FBN1: variants seen among roughly 807,000 people sequenced by gnomAD.
FBN1 encodes the protein fibrillin 1.
In FBN1, 29 loss-of-function variants were observed where a neutral mutation model predicts 365.1. The observed-to-expected ratio is 0.08, with a 90% confidence interval of 0.06 to 0.11. FBN1 has a LOEUF of 0.11. Among genes scored for constraint, FBN1 ranks in the 10% least tolerant of loss-of-function variants. FBN1 has a pLI of 1.00. For synonymous variants in FBN1, 1,210 were observed against 1,270.5 expected (o/e 0.95, Z 1.01); for missense variants, 2,476 against 3,703.2 (o/e 0.67, Z 8.60).
At chr15:48,605,318 T>C (rs1450961946) in intron 4 of FBN1, among the ~76,000 whole-genome samples, 2 of 151,850 alleles carry the variant, frequency 1.3e-5, no homozygotes, top group East Asian at 3.9e-4. Flanking sequence ...TTGGAGAAAA[T>C]CTTCAGAATC....
chr15:48,463,050 A>G (rs769181381), intron 42 of FBN1, 32 bp downstream of exon 42: 20 of 1,605,692 alleles, frequency 1.2e-5, no homozygotes, highest in Middle Eastern at 1.6e-4. Flanking sequence ...TTTTCAACCT[A>G]TATTTTTGAT....
intron 31 of FBN1, among the ~76,000 whole-genome samples, chr15:48,482,209 T>G (rs944125020): frequency 6.6e-6 from 1 of 152,234 alleles, no homozygotes; most frequent in Non-Finnish European, 1.5e-5. Flanking sequence ...ACTTCACTTC[T>G]TTTCCAAATT....
intron 6 of FBN1, among the ~76,000 whole-genome samples, chr15:48,562,282 T>C (rs2044227997): frequency 1.3e-5 from 2 of 152,280 alleles, no homozygotes. Context: ...TGGCAGACCG[T>C]AGGCCACAAA....
intron 29 of FBN1, among the ~76,000 whole-genome samples, chr15:48,486,816 G>C (rs986145201): frequency 2.0e-5 from 3 of 152,154 alleles, no homozygotes; most frequent in Admixed American, 2.0e-4. Flanking sequence ...GCTTATTAGA[G>C]CTAAAACATC....
chr15:48,626,442 T>A (rs889553890), intron 2 of FBN1, among the ~76,000 whole-genome samples: 3 of 152,132 alleles, frequency 2.0e-5, no homozygotes, highest in South Asian at 2.1e-4. Flanking sequence ...TTAGAAACAT[T>A]TATAGCTACA....
chr15:48,482,006 TAATC>T (rs2043469091), intron 31 of FBN1, among the ~76,000 whole-genome samples: 1 of 152,216 alleles, frequency 6.6e-6, no homozygotes, highest in South Asian at 2.1e-4. Context: ...GCAGGCCAGT[TAATC>T]AAATAAACAG....
At chr15:48,626,415 T>C (rs76891013) in intron 2 of FBN1, among the ~76,000 whole-genome samples, 2,222 of 152,334 alleles carry the variant, frequency 0.015, 52 homozygotes, top group African/African-American at 0.051. Flanking sequence ...AATTCTTCCA[T>C]GTTTCAGTTG....
Position 48,616,051 on chromosome 15 carries a change from C to G in FBN1, c.165-2959G>C, listed in dbSNP as rs548669484. ...TCTTTCACTTAAAGCAATAACTAGA[C>G]TTTCGAAGTATGAACGTCTTATCTT... On this transcript the variant is annotated intron_variant, in intron 2 of 65. Coordinates refer to ENST00000316623, the MANE Select transcript of FBN1 (RefSeq NM_000138.5). Among the ~76,000 whole-genome samples, 3 of 152,312 alleles carry G rather than the reference C, an allele frequency of 2.0e-5. No homozygotes were observed. In the South Asian group the frequency reaches 6.2e-4, roughly 32 times the overall value.
At chr15:48,545,174 C>A (rs1050705855) in intron 6 of FBN1, among the ~76,000 whole-genome samples, 2 of 152,088 alleles carry the variant, frequency 1.3e-5, no homozygotes, top group Admixed American at 6.5e-5. Context: ...AATCCAAAAA[C>A]AAGATTAGTA....
At chr15:48,427,538 C>A in intron 58 of FBN1, 29 bp downstream of exon 58, 1 of 1,596,246 alleles carries the variant, frequency 6.3e-7, no homozygotes, top group Non-Finnish European at 8.6e-7. Context: ...AGATTCCCTG[C>A]AAGTATTTTT....
chr15:48,451,176 C>T (rs927985120), intron 45 of FBN1, among the ~76,000 whole-genome samples: 1 of 152,176 alleles, frequency 6.6e-6, no homozygotes, highest in African/African-American at 2.4e-5. Context: ...TAGCTCTGTC[C>T]CACTTCTTAC....
intron 7 of FBN1, among the ~76,000 whole-genome samples, chr15:48,535,895 G>A (rs1230576231): frequency 1.3e-5 from 2 of 152,150 alleles, no homozygotes; most frequent in East Asian, 1.9e-4. Context: ...TGAAAATCAA[G>A]ATTTTTACAT....
chr15:48,549,799 A>G (rs1302934404), intron 6 of FBN1, among the ~76,000 whole-genome samples: 2 of 141,946 alleles, frequency 1.4e-5, no homozygotes, highest in Non-Finnish European at 3.0e-5. Flanking sequence ...CAAAGAAAAG[A>G]AAAAAAAAAA....
In FBN1 at chr15:48,415,706, C is replaced by T. The variant is rs397515858; in HGVS notation, c.7881G>A (p.Gly2627=). The T allele has an allele frequency of 5.6e-6, 9 of 1,614,214 alleles. No individual in the cohort carries two copies. The highest frequency in any genetic ancestry group is 7.6e-6 in the Non-Finnish European group (9 of 1,180,032). Residue 2627 remains glycine, a synonymous_variant, in exon 64 of 66, where the codon GGG becomes GGA. Coordinates refer to ENST00000316623, the MANE Select transcript of FBN1 (RefSeq NM_000138.5). ...CGGASCHNTL[G]SYKCMCPAGF... is the part of the protein sequence containing the mutation. Reference sequence around the variant, plus strand: ...CGGCGGGACACATGCACTTGTAGCTCCCCAGGGTGTTGTGACAGGAGGCTC... The same window carrying T: ...CGGCGGGACACATGCACTTGTAGCTTCCCAGGGTGTTGTGACAGGAGGCTC...
chr15:48,444,489 G>A, intron 49 of FBN1, 52 bp downstream of exon 49: 1 of 1,608,380 alleles, frequency 6.2e-7, no homozygotes, highest in South Asian at 1.1e-5. Context: ...ATTCTGCTAA[G>A]TCCAGTGGAC....
In FBN1 at chr15:48,481,638, T is replaced by TA. The variant is rs1489894449; in HGVS notation, c.3964+16dup. Reference sequence around the variant, plus strand: ...TTAACTACTTAATATTTTATTGTTCTACTTGAACAAACACACCTGTACAGC... The same window carrying TA: ...TTAACTACTTAATATTTTATTGTTCTAACTTGAACAAACACACCTGTACAGC... On this transcript the variant is annotated intron_variant, in intron 32 of 65. Transcript: ENST00000316623. 5 of 1,612,978 alleles carry TA rather than the reference T, an allele frequency of 3.1e-6. No individual in the cohort carries two copies. Among genetic ancestry groups the TA allele is most frequent in the Non-Finnish European group, 4.2e-6 (5 of 1,179,252 alleles).
At chr15:48,532,967 C>T (rs1413190171) in intron 8 of FBN1, among the ~76,000 whole-genome samples, 1 of 152,134 alleles carries the variant, frequency 6.6e-6, no homozygotes, top group East Asian at 1.9e-4. Flanking sequence ...AATTCCAACT[C>T]ATAAAGATAG....
intron 6 of FBN1, among the ~76,000 whole-genome samples, chr15:48,557,297 C>G (rs1049931860): frequency 6.6e-6 from 1 of 152,190 alleles, no homozygotes; most frequent in Non-Finnish European, 1.5e-5. Context: ...CAAGGTCACA[C>G]AGCCACTGAA....
At chr15:48,567,879 C>T (rs1380702635) in intron 6 of FBN1, among the ~76,000 whole-genome samples, 2 of 151,924 alleles carry the variant, frequency 1.3e-5, no homozygotes, top group South Asian at 2.1e-4. Flanking sequence ...ATAACAAATG[C>T]TTTCTTTCTA....
Sources: allele counts gnomAD v4.1 joint callset (sites outside exome capture counted in the v4.1 genomes callset), GRCh38; gene constraint gnomAD v4.1.1; transcripts MANE v1.5; gene names NCBI Gene and HGNC (gene_info 2026-07-23, HGNC 2026-07-21).